Variants in CAST observed in about 807,000 individuals in gnomAD.
CAST encodes the protein calpastatin.
CAST carries 76 observed loss-of-function variants against 119.6 expected under a neutral mutation model. The ratio of observed to expected loss-of-function variants is 0.64; its 90% CI spans 0.53 to 0.77. CAST has a LOEUF of 0.77. Among genes scored for constraint, CAST ranks in the 30% least tolerant of loss-of-function variants. CAST has a pLI of 0.00. For missense variants in CAST, 953 were observed against 946.5 expected, an observed-to-expected ratio of 1.01 and a Z score of -0.09; for synonymous variants, 319 against 331.6, an observed-to-expected ratio of 0.96 and a Z score of 0.41.
intron 1 of CAST, among the ~76,000 whole-genome samples, chr5:96,666,876 C>T (rs1056244897): frequency 2.6e-5 from 4 of 152,016 alleles, no homozygotes; most frequent in African/African-American, 9.7e-5. Flanking sequence ...GTAATTAGTT[C>T]TGACTAGATT....
At chr5:96,615,677 C>G (rs937970764) in intron 1 of CAST, among the ~76,000 whole-genome samples, 24 of 152,072 alleles carry the variant, frequency 1.6e-4, no homozygotes, top group African/African-American at 5.8e-4. Flanking sequence ...AGATTATCAG[C>G]CGTCCTATTA....
At chr5:96,554,282 T>G (rs1464164477) in intron 1 of CAST, among the ~76,000 whole-genome samples, 1 of 152,130 alleles carries the variant, frequency 6.6e-6, no homozygotes, top group Non-Finnish European at 1.5e-5. Flanking sequence ...TTTGACAAAC[T>G]TGACACACAC....
At chr5:96,524,551 T>A (rs747387002), upstream of CAST, among the ~76,000 whole-genome samples, 6 of 152,196 alleles carry the variant, frequency 3.9e-5, no homozygotes, top group African/African-American at 9.6e-5. Flanking sequence ...GACGGCCATG[T>A]GTTATGGCCC....
At chr5:96,046,738 G>A in the CAST span, among the ~76,000 whole-genome samples, 10 of 152,300 alleles carry the variant, frequency 6.6e-5, no homozygotes, top group African/African-American at 2.2e-4. Flanking sequence ...CTGAGACTGA[G>A]AAGAAAAAGA....
intron 3 of CAST, among the ~76,000 whole-genome samples, chr5:96,703,577 C>T (rs927715774): frequency 2.0e-5 from 3 of 152,158 alleles, no homozygotes; most frequent in Non-Finnish European, 4.4e-5. Context: ...GTTAGGGACC[C>T]GGCATTCTCC....
the CAST span, among the ~76,000 whole-genome samples, chr5:95,987,328 T>C: frequency 5.9e-5 from 9 of 152,226 alleles, no homozygotes; most frequent in African/African-American, 2.2e-4. Context: ...CTGTTAACCA[T>C]GCTTGAGAGA....
chr5:96,198,328 G>A, the CAST span, among the ~76,000 whole-genome samples: 1 of 152,092 alleles, frequency 6.6e-6, no homozygotes, highest in African/African-American at 2.4e-5. Flanking sequence ...AAAATTAAAA[G>A]AAATATGCCC....
chr5:96,453,762 G>A, the CAST span, among the ~76,000 whole-genome samples: 2 of 152,132 alleles, frequency 1.3e-5, no homozygotes, highest in African/African-American at 4.8e-5. Context: ...GATCTAATCA[G>A]AATAAATGCT....
chr5:96,687,639 C>T (rs1003622068), intron 2 of CAST, among the ~76,000 whole-genome samples: 4 of 152,116 alleles, frequency 2.6e-5, no homozygotes, highest in African/African-American at 9.7e-5. Flanking sequence ...CCTAAATGAT[C>T]TAATTCAAGC....
At chr5:96,405,601 G>A in the CAST span, among the ~76,000 whole-genome samples, 1 of 152,132 alleles carries the variant, frequency 6.6e-6, no homozygotes, top group Non-Finnish European at 1.5e-5. Flanking sequence ...AACCGGAGGG[G>A]TTGAGGTTGC....
chr5:96,720,536 TA>T (rs1427873603), intron 3 of CAST, among the ~76,000 whole-genome samples: 1 of 152,212 alleles, frequency 6.6e-6, no homozygotes, highest in African/African-American at 2.4e-5. Context: ...ATTTCAGTTT[TA>T]AAATGGTTAG....
At chr5:96,518,036 A>C in the CAST span, among the ~76,000 whole-genome samples, 1 of 152,268 alleles carries the variant, frequency 6.6e-6, no homozygotes, top group Non-Finnish European at 1.5e-5. Context: ...CAGCTAAAAA[A>C]TGGTGAAGCC....
chr5:96,593,191 C>A (rs1409371256), intron 1 of CAST, among the ~76,000 whole-genome samples: 2 of 152,236 alleles, frequency 1.3e-5, no homozygotes, highest in Non-Finnish European at 2.9e-5. Context: ...TGCCTTGTGC[C>A]GTTGCACCTG....
chr5:96,432,747 C>G, the CAST span: 1 of 805,594 alleles, frequency 1.2e-6, no homozygotes, highest in African/African-American at 1.7e-5. Flanking sequence ...GCTCCTTGCT[C>G]TTTGCTACTC....
chr5:96,666,882 A>C (rs898646389), intron 1 of CAST, among the ~76,000 whole-genome samples: 3 of 151,976 alleles, frequency 2.0e-5, no homozygotes, highest in Admixed American at 1.3e-4. Flanking sequence ...AGTTCTGACT[A>C]GATTGTCTCA....
intron 12 of CAST, among the ~76,000 whole-genome samples, chr5:96,740,437 C>G (rs146093260): frequency 5.5e-4 from 84 of 152,070 alleles, no homozygotes; most frequent in African/African-American, 2.0e-3. Context: ...AGATGGCCGT[C>G]TTCTTCCCGT....
In CAST at chr5:96,746,435, T is replaced by C. The variant is rs772753206; in HGVS notation, c.1284+10T>C. On this transcript the variant is annotated intron_variant, in intron 17 of 31. Transcript: ENST00000675179. ...ATTAAAACCAGCCACGGTAAATTTTTAGCCACAGTGCATGACAACAGCATC... is the reference window on the plus strand; with the variant it reads ...ATTAAAACCAGCCACGGTAAATTTTCAGCCACAGTGCATGACAACAGCATC... 49 of 1,506,502 alleles carry C rather than the reference T, an allele frequency of 3.3e-5. No homozygotes were observed. Among genetic ancestry groups the C allele is most frequent in the Non-Finnish European group, 4.4e-5 (48 of 1,082,066 alleles). The allele number at this position is 1,506,502 out of a possible 1,614,324, so 93.3% of individuals were successfully genotyped here. A position where few individuals can be genotyped will look rare whatever the true frequency, so the allele number is the denominator to read the frequency against.
At chr5:96,575,648 G>GT (rs200064654) in intron 1 of CAST, among the ~76,000 whole-genome samples, 9,498 of 142,446 alleles carry the variant, frequency 0.067, 821 homozygotes, top group East Asian at 0.32. Flanking sequence ...TTTGTTTTTT[G>GT]TTTTTTTTTT....
chr5:96,134,869 A>C, the CAST span, among the ~76,000 whole-genome samples: 1 of 152,352 alleles, frequency 6.6e-6, no homozygotes, highest in South Asian at 2.1e-4. Flanking sequence ...CTATGAAGGA[A>C]ATAAAGAAAG....
Sources: gnomAD v4.1 joint callset for allele counts (sites outside exome capture counted in the v4.1 genomes callset) on GRCh38, gnomAD v4.1.1 for gene constraint, MANE v1.5 for transcripts, NCBI Gene and HGNC (gene_info 2026-07-23, HGNC 2026-07-21) for gene names.